The following NOL4 variants were observed in gnomAD, a reference collection of about 807,000 sequenced individuals.
NOL4 encodes the protein cancer/testis antigen 125.
A neutral mutation model predicts 75.9 loss-of-function variants in NOL4; 17 were observed. The observed-to-expected ratio is 0.22, with a 90% CI of 0.15 to 0.34. NOL4 has a LOEUF of 0.34. NOL4 is among the 10% of genes least tolerant of loss of function. The pLI is 1.00. For synonymous variants in NOL4, 292 were observed against 289.9 expected (o/e 1.01, Z -0.07); for missense variants, 614 against 793.5 (o/e 0.77, Z 2.72).
At position 34,093,733 on chromosome 18, in the gene NOL4, T is replaced by C. The variant is rs949797114; in HGVS notation, c.640-136A>G. The C allele has an allele frequency of 1.2e-5, 8 of 653,084 alleles. No homozygotes were observed. In the East Asian group the frequency reaches 2.2e-4, roughly 18 times the overall value. The allele number at this position is 653,084 out of a possible 1,614,324, so 40.5% of individuals were successfully genotyped here. On this transcript the variant is annotated intron_variant, in intron 4 of 10. Coordinates refer to ENST00000261592, the MANE Select transcript of NOL4 (RefSeq NM_003787.5). ...TTCAGAAAAATATGTTACAAACTAA[T>C]AGATGTTTAAAATAGCAAACAATGG...
chr18:33,990,513 C>T (rs2072838732), intron 6 of NOL4, among the ~76,000 whole-genome samples: 1 of 151,880 alleles, frequency 6.6e-6, no homozygotes, highest in Non-Finnish European at 1.5e-5. Flanking sequence ...TGCAGTTTGT[C>T]GATTTATACT....
At chr18:34,097,111 T>C (rs1298249139) in intron 4 of NOL4, among the ~76,000 whole-genome samples, 1 of 152,180 alleles carries the variant, frequency 6.6e-6, no homozygotes, top group African/African-American at 2.4e-5. Context: ...TATTAACAAT[T>C]GCCAAATTAA....
At chr18:34,046,916 A>G (rs1230090056) in intron 5 of NOL4, among the ~76,000 whole-genome samples, 2 of 151,956 alleles carry the variant, frequency 1.3e-5, no homozygotes, top group African/African-American at 4.8e-5. Context: ...CCGAACTACT[A>G]ATAGAAATCA....
At chr18:33,940,751 T>G (rs2068423279) in intron 9 of NOL4, among the ~76,000 whole-genome samples, 1 of 151,918 alleles carries the variant, frequency 6.6e-6, no homozygotes. Context: ...CAGTATTTTT[T>G]TGTGTGGAGA....
In NOL4 at chr18:34,054,362, C is replaced by T. The variant is rs2145022230; in HGVS notation, c.773-34761G>A. Among the ~76,000 whole-genome samples, 3 of 151,896 alleles carry T rather than the reference C, an allele frequency of 2.0e-5. 1 individual carries two copies. Among genetic ancestry groups the T allele is most frequent in the Middle Eastern group, 3.4e-3 (1 of 294 alleles). On this transcript the variant is annotated intron_variant, in intron 5 of 10. Transcript: ENST00000261592. ...CTTCCTTCAATTCTGCCAATGTTTG[C>T]TTCATCTATTGGGAACTCTGATATT...
intron 6 of NOL4, among the ~76,000 whole-genome samples, chr18:34,011,405 T>C (rs72957356): frequency 0.1 from 15,510 of 151,748 alleles, 963 homozygotes; most frequent in Middle Eastern, 0.14. Context: ...CTTCTTTTAT[T>C]CTTTCTCCAA....
intron 8 of NOL4, among the ~76,000 whole-genome samples, chr18:33,955,986 G>T (rs542616407): frequency 6.6e-6 from 1 of 152,106 alleles, no homozygotes; most frequent in South Asian, 2.1e-4. Flanking sequence ...TTGTCATTTG[G>T]GTTTTACAGA....
intron 5 of NOL4, among the ~76,000 whole-genome samples, chr18:34,075,073 GA>G (rs2077686974): frequency 3.9e-5 from 6 of 152,106 alleles, no homozygotes; most frequent in Admixed American, 3.3e-4. Context: ...GTGCTTCCAA[GA>G]GTGAAAAAAT....
intron 1 of NOL4, among the ~76,000 whole-genome samples, chr18:34,171,214 A>T (rs1341908345): frequency 6.6e-6 from 1 of 152,124 alleles, no homozygotes; most frequent in Non-Finnish European, 1.5e-5. Flanking sequence ...GGTTTATGTT[A>T]TGAAATGTGA....
chr18:33,854,726 C>T (rs1434689485), intron 10 of NOL4, among the ~76,000 whole-genome samples: 1 of 151,198 alleles, frequency 6.6e-6, no homozygotes, highest in African/African-American at 2.4e-5. Context: ...TATCTAGTAT[C>T]TGGTTGGCTG....
rs575654167 is a variant in NOL4 at position 34,078,623 on chromosome 18, T to C, written c.772+14842A>G. Reference sequence around the variant, plus strand: ...ATTCATGTTCAAGATAACTTATTGGTGTATCTATAATGGCAAGCCAATATG... The same window carrying C: ...ATTCATGTTCAAGATAACTTATTGGCGTATCTATAATGGCAAGCCAATATG... On this transcript the variant is annotated intron_variant, in intron 5 of 10. Transcript: ENST00000261592. 2.0e-5 allele frequency among the ~76,000 whole-genome samples: 3 copies of C among 152,342 alleles called. No individual in the cohort carries two copies. The East Asian group carries it at 5.8e-4, about 29-fold the overall frequency.
rs114013434 is a variant in NOL4 at position 34,115,004 on chromosome 18, G to A, written c.415-9844C>T. ...TTATTATTTTTTAACCTTGAATTGA[G>A]AGAGAAGGAAGGAAGAAACTAGCTA... On this transcript the variant is annotated intron_variant, in intron 2 of 10. Transcript: ENST00000261592. Among the ~76,000 whole-genome samples the A allele has an allele frequency of 2.3e-3, 350 of 152,234 alleles. 1 individual carries two copies. The highest frequency in any genetic ancestry group is 8.0e-3 in the African/African-American group (333 of 41,534).
rs143815153 is a variant in NOL4 at position 33,971,061 on chromosome 18, C to T, written c.1057-12643G>A. ...GACTAGGTGTCGGTGAGATACAAAT[C>T]CTACATTTTGTATTTTACATGTATA... On this transcript the variant is annotated intron_variant, in intron 6 of 10. Transcript: ENST00000261592. 8.0e-3 allele frequency among the ~76,000 whole-genome samples: 1,217 copies of T among 152,184 alleles called. 8 individuals are homozygous for T. Among genetic ancestry groups the T allele is most frequent in the Non-Finnish European group, 0.011 (746 of 67,996 alleles).
At chr18:34,086,131 A>G (rs1255533857) in intron 5 of NOL4, among the ~76,000 whole-genome samples, 3 of 152,170 alleles carry the variant, frequency 2.0e-5, no homozygotes, top group Admixed American at 6.5e-5. Flanking sequence ...ATTAGGTTTA[A>G]TAATGCATTA....
intron 4 of NOL4, among the ~76,000 whole-genome samples, chr18:34,100,778 T>C (rs1393643456): frequency 6.6e-6 from 1 of 152,190 alleles, no homozygotes; most frequent in Non-Finnish European, 1.5e-5. Context: ...CTGCCGATGA[T>C]GCTTGGCCTT....
chr18:34,083,732 A>G (rs1246768650), intron 5 of NOL4, among the ~76,000 whole-genome samples: 1 of 152,150 alleles, frequency 6.6e-6, no homozygotes, highest in Non-Finnish European at 1.5e-5. Flanking sequence ...TTCTTAATGA[A>G]TTCACTTTAA....
intron 6 of NOL4, among the ~76,000 whole-genome samples, chr18:33,988,974 C>T (rs952860869): frequency 6.6e-6 from 1 of 151,788 alleles, no homozygotes; most frequent in Non-Finnish European, 1.5e-5. Context: ...AACTGGAAGA[C>T]TGCTTGAACC....
intron 9 of NOL4, among the ~76,000 whole-genome samples, chr18:33,888,224 T>C (rs1471814589): frequency 6.6e-6 from 1 of 152,206 alleles, no homozygotes; most frequent in Non-Finnish European, 1.5e-5. Context: ...TGTCTTCTTT[T>C]GAGAAGTGTC....
intron 5 of NOL4, among the ~76,000 whole-genome samples, chr18:34,070,058 G>A (rs2077444592): frequency 6.6e-6 from 1 of 152,224 alleles, no homozygotes; most frequent in South Asian, 2.1e-4. Flanking sequence ...TTGAGACGGA[G>A]TCTCGCTCAG....
Sources: gnomAD v4.1 joint callset for allele counts (sites outside exome capture counted in the v4.1 genomes callset) on GRCh38, gnomAD v4.1.1 for gene constraint, MANE v1.5 for transcripts, NCBI Gene and HGNC (gene_info 2026-07-23, HGNC 2026-07-21) for gene names.